Variants in INTS9 observed in about 807,000 individuals in gnomAD.
The protein encoded by INTS9 is integrator complex subunit 9, also known as protein related to CPSF subunits of 74 kDa.
A neutral mutation model predicts 79.7 loss-of-function variants in INTS9; 55 were observed. The ratio of observed to expected loss-of-function variants is 0.69; its 90% CI spans 0.56 to 0.86. The LOEUF (loss-of-function observed/expected upper bound fraction) is 0.86. INTS9 is among the 40% of genes least tolerant of loss of function. The pLI, the probability that INTS9 is intolerant of heterozygous loss-of-function variation, is 0.00. For synonymous variants in INTS9, 319 were observed against 325.2 expected (o/e 0.98, Z 0.20); for missense variants, 721 against 831.5 (o/e 0.87, Z 1.64).
At chr8:28,802,569 C>G (rs1804581168) in intron 8 of INTS9, among the ~76,000 whole-genome samples, 1 of 152,148 alleles carries the variant, frequency 6.6e-6, no homozygotes, top group African/African-American at 2.4e-5. Context: ...GAACAGAGAC[C>G]AAGGTGTTGG....
At chr8:28,804,294 A>G (rs151146950) in intron 8 of INTS9, among the ~76,000 whole-genome samples, 1 of 152,334 alleles carries the variant, frequency 6.6e-6, no homozygotes, top group Non-Finnish European at 1.5e-5. Context: ...AATTTGAGAA[A>G]CTAAATCAAA....
At chr8:28,807,936 T>C (rs1585388086) in intron 8 of INTS9, among the ~76,000 whole-genome samples, 1 of 152,240 alleles carries the variant, frequency 6.6e-6, no homozygotes, top group African/African-American at 2.4e-5. Context: ...CTTTGCAAGA[T>C]AATATCAATA....
chr8:28,819,101 C>G (rs1406361816), intron 6 of INTS9, among the ~76,000 whole-genome samples: 1 of 152,156 alleles, frequency 6.6e-6, no homozygotes, highest in Non-Finnish European at 1.5e-5. Flanking sequence ...TTCAAAAAAC[C>G]AGCTCTTGGA....
At chr8:28,841,838 C>T (rs980766307) in intron 4 of INTS9, among the ~76,000 whole-genome samples, 1 of 152,136 alleles carries the variant, frequency 6.6e-6, no homozygotes, top group Non-Finnish European at 1.5e-5. Flanking sequence ...GTAATCCTAG[C>T]ACTTTAGGGG....
intron 1 of INTS9, chr8:28,862,145 C>T (rs1808496859): frequency 3.1e-5 from 31 of 985,308 alleles, no homozygotes; most frequent in Non-Finnish European, 3.6e-5. Context: ...TCCAGCGATG[C>T]TCTTTGTGCA....
chr8:28,804,530 A>C lies in INTS9; in HGVS notation c.744+7797T>G, dbSNP rs116263437. Among the ~76,000 whole-genome samples, 650 of 150,948 alleles carry C rather than the reference A, an allele frequency of 4.3e-3. 7 individuals are homozygous for C. Among genetic ancestry groups the C allele is most frequent in the African/African-American group, 0.014 (591 of 41,216 alleles). ...ATGAAGGTTCACAGAACACCAAGCC[A>C]CTCCTTGCTTGTTCCCTCACACCAC... On this transcript the variant is annotated intron_variant, in intron 8 of 16. Transcript: ENST00000521022.
rs539882023 is a variant in INTS9 at position 28,837,574 on chromosome 8, C to T, written c.401+63G>A. The T allele has an allele frequency of 4.5e-4, 702 of 1,555,256 alleles. 2 individuals are homozygous for T. The African/African-American group carries it at 8.4e-3, about 19-fold the overall frequency. The stretch of plus-strand genomic sequence containing the variant: ...CAGCCCTGGTATAATACTGTGATAG[C>T]GTCATCACTGAGGGAGGAGCTCCGC... On this transcript the variant is annotated intron_variant, in intron 5 of 16. Coordinates refer to ENST00000521022, the MANE Select transcript of INTS9 (RefSeq NM_018250.4).
At chr8:28,846,624 G>T in intron 4 of INTS9, 123 bp downstream of exon 4, 1 of 724,586 alleles carries the variant, frequency 1.4e-6, no homozygotes, top group South Asian at 1.6e-5. Context: ...AATGTGCCTG[G>T]AATAACAGAT....
intron 1 of INTS9, among the ~76,000 whole-genome samples, chr8:28,881,733 G>A (rs1452427280): frequency 6.1e-5 from 9 of 148,698 alleles, no homozygotes; most frequent in East Asian, 4.2e-4. Flanking sequence ...CCGGCCGGCC[G>A]CCCCGTCCGG....
chr8:28,829,967 G>C (rs769263129), intron 6 of INTS9, among the ~76,000 whole-genome samples: 1 of 151,648 alleles, frequency 6.6e-6, no homozygotes, highest in Non-Finnish European at 1.5e-5. Flanking sequence ...TCTCACTCCT[G>C]TGTGTACCTT....
intron 8 of INTS9, among the ~76,000 whole-genome samples, chr8:28,801,503 AAAC>A (rs1804521409): frequency 3.0e-5 from 2 of 67,686 alleles, no homozygotes; most frequent in African/African-American, 1.0e-4. Flanking sequence ...ACAAACAAAC[AAAC>A]AAAAAAACAA....
chr8:28,883,731 A>G (rs1810019523), intron 1 of INTS9, among the ~76,000 whole-genome samples: 2 of 152,160 alleles, frequency 1.3e-5, no homozygotes, highest in South Asian at 4.1e-4. Flanking sequence ...GCTGGGGATA[A>G]ATCTGTTTTG....
chr8:28,805,788 A>G (rs941488028), intron 8 of INTS9, among the ~76,000 whole-genome samples: 7 of 152,212 alleles, frequency 4.6e-5, no homozygotes, highest in African/African-American at 1.4e-4. Context: ...GCATTTTCAC[A>G]TATACAGAAG....
intron 2 of INTS9, among the ~76,000 whole-genome samples, chr8:28,857,855 G>GATCC (rs1808259177): frequency 6.6e-6 from 1 of 152,172 alleles, no homozygotes; most frequent in African/African-American, 2.4e-5. Flanking sequence ...AGCAGCTGAG[G>GATCC]GGATAGAGAG....
chr8:28,837,820 G>A (rs200357113), intron 4 of INTS9, 44 bp from the exon 5 acceptor site: 15 of 1,553,178 alleles, frequency 9.7e-6, no homozygotes, highest in African/African-American at 5.4e-5. Flanking sequence ...TTCAGGGATC[G>A]ATCAATATGA....
intron 6 of INTS9, among the ~76,000 whole-genome samples, chr8:28,825,009 C>A (rs747620657): frequency 2.5e-4 from 38 of 152,330 alleles, no homozygotes; most frequent in South Asian, 8.3e-4. Context: ...CATGCATTTC[C>A]CTACAATACT....
intron 6 of INTS9, among the ~76,000 whole-genome samples, chr8:28,831,266 G>C (rs1379316266): frequency 6.6e-6 from 1 of 152,196 alleles, no homozygotes; most frequent in Admixed American, 6.5e-5. Context: ...GAGAACACAT[G>C]AACACAGGCA....
At chr8:28,827,996 C>G (rs911455625) in intron 6 of INTS9, among the ~76,000 whole-genome samples, 1 of 152,136 alleles carries the variant, frequency 6.6e-6, no homozygotes, top group African/African-American at 2.4e-5. Flanking sequence ...CTAATCAACT[C>G]CGAGTGAAAT....
At chr8:28,802,884 T>C (rs1188514895) in intron 8 of INTS9, among the ~76,000 whole-genome samples, 1 of 147,462 alleles carries the variant, frequency 6.8e-6, no homozygotes, top group Non-Finnish European at 1.5e-5. Context: ...CTGAGATGGG[T>C]GAATCACTTG....
Sources: allele counts gnomAD v4.1 joint callset (sites outside exome capture counted in the v4.1 genomes callset), GRCh38; gene constraint gnomAD v4.1.1; transcripts MANE v1.5; gene names NCBI Gene and HGNC (gene_info 2026-07-23, HGNC 2026-07-21).